The following MTA1 variants were observed in gnomAD, a reference collection of about 807,000 sequenced individuals.
MTA1 encodes the protein metastasis associated 1.
Under a neutral mutation model 97.0 loss-of-function variants are expected in MTA1, and 15 were observed. That is an observed-to-expected ratio of 0.15 (90% CI 0.10 to 0.24). MTA1 has a LOEUF of 0.24. MTA1 is among the 10% of genes least tolerant of loss of function. The pLI is 1.00. For synonymous variants in MTA1, 435 were observed against 417.5 expected (o/e 1.04, Z -0.51); for missense variants, 709 against 1,015.1 (o/e 0.70, Z 4.10).
At chr14:105,447,457 C>T (rs782007455) in intron 3 of MTA1, among the ~76,000 whole-genome samples, 26 of 152,210 alleles carry the variant, frequency 1.7e-4, no homozygotes, top group Non-Finnish European at 2.4e-4. Flanking sequence ...AGGTTCTGCT[C>T]TCAGACGCCC....
chr14:105,458,178 C>G (rs1173137597), intron 7 of MTA1, 92 bp from the exon 8 acceptor site: 1 of 1,069,504 alleles, frequency 9.4e-7, no homozygotes, highest in African/African-American at 1.6e-5. Flanking sequence ...TCCCCCTCCC[C>G]GTCCCAGCAG....
chr14:105,465,707 G>A (rs1555432596), intron 16 of MTA1: 3 of 152,636 alleles, frequency 2.0e-5, no homozygotes, highest in Non-Finnish European at 2.9e-5. Flanking sequence ...TTGCCTTTGA[G>A]CATCTGAGGA....
chr14:105,420,189 G>A lies in MTA1; in HGVS notation c.28+126G>A, dbSNP rs1325919411. On this transcript the variant is annotated intron_variant, in intron 1 of 20. Coordinates refer to ENST00000331320, the MANE Select transcript of MTA1 (RefSeq NM_004689.4). The surrounding 1 kb of genome is among the most constrained non-coding windows in gnomAD (Gnocchi z 5.3). ...CCCCCGCCCGCCCTCGCGGCCCCCG[G>A]CTCCTTCCCGAACCGCCCCCCGCCG... 3 of 431,298 alleles carry A rather than the reference G, an allele frequency of 7.0e-6. No homozygotes were observed. The highest frequency in any genetic ancestry group is 1.8e-4 in the South Asian group (2 of 11,108). The allele number at this position is 431,298 out of a possible 1,614,324, so 26.7% of individuals were successfully genotyped here.
chr14:105,463,536 T>A lies in MTA1; in HGVS notation c.1061T>A (p.Val354Asp), dbSNP rs2083442421. ...AAEAESKLKQ[V>D]YIPNYNKPNP... The stretch of plus-strand genomic sequence containing the variant: ...GAAGCTGAGAGCAAGTTAAAGCAAG[T>A]TTATATTCCCAACTAGTAAGTGTGC... The change falls in exon 12 of 21, where the codon GTT (valine) becomes GAT (aspartate). Residue 354 changes from valine (V) to aspartate (D), a missense_variant. Coordinates refer to ENST00000331320, the MANE Select transcript of MTA1 (RefSeq NM_004689.4). This position sits in a 1 kb window ranked among gnomAD's most constrained non-coding sequence, Gnocchi z 5.9. The A allele has an allele frequency of 6.2e-7, 1 of 1,612,814 alleles. No homozygotes were observed. The highest frequency in any genetic ancestry group is 8.5e-7 in the Non-Finnish European group (1 of 1,179,942).
chr14:105,441,999 G>T (rs587680323), intron 2 of MTA1, among the ~76,000 whole-genome samples: 36 of 152,220 alleles, frequency 2.4e-4, no homozygotes, highest in Middle Eastern at 3.4e-3. Flanking sequence ...TAAAGTTGAG[G>T]ATACCGCACA....
chr14:105,431,726 A>T (rs587764869), intron 1 of MTA1, among the ~76,000 whole-genome samples: 1 of 151,900 alleles, frequency 6.6e-6, no homozygotes, highest in South Asian at 2.1e-4. Context: ...CCCGGGCCCG[A>T]GTGATTCTCC....
At chr14:105,423,306 G>C (rs2081908991) in intron 1 of MTA1, among the ~76,000 whole-genome samples, 1 of 139,668 alleles carries the variant, frequency 7.2e-6, no homozygotes. Flanking sequence ...TGCAACCTCC[G>C]CCTCCCCGGC....
In MTA1 at chr14:105,450,363, C is replaced by G. The variant is rs148733542; in HGVS notation, c.432+39C>G. 4 of 1,579,296 alleles carry G rather than the reference C, an allele frequency of 2.5e-6. No individual in the cohort carries two copies. The East Asian group carries it at 9.0e-5, about 36-fold the overall frequency. On this transcript the variant is annotated intron_variant, in intron 6 of 20. Coordinates refer to ENST00000331320, the MANE Select transcript of MTA1 (RefSeq NM_004689.4). Reference sequence around the variant, plus strand: ...CGGCCTGGTCTGCCGCAGCCAGTCCCGGGCCACTGTTTCCTCTACCTATGA... The same window carrying G: ...CGGCCTGGTCTGCCGCAGCCAGTCCGGGGCCACTGTTTCCTCTACCTATGA...
intron 1 of MTA1, among the ~76,000 whole-genome samples, chr14:105,433,179 G>A (rs1444887926): frequency 1.3e-5 from 2 of 152,186 alleles, no homozygotes; most frequent in East Asian, 3.8e-4. Context: ...GTGGGCTTCC[G>A]GCGTCTCTCC....
intron 7 of MTA1, among the ~76,000 whole-genome samples, chr14:105,457,560 G>A (rs1208545462): frequency 6.6e-6 from 1 of 152,272 alleles, no homozygotes; most frequent in Non-Finnish European, 1.5e-5. Context: ...GAAGGTCCCT[G>A]GAGGTGGTCT....
rs140916734 is a variant in MTA1 at position 105,469,670 on chromosome 14, C to T, written c.1846-171C>T. Reference sequence around the variant, plus strand: ...GCCATGGCCCCTGTGCCAGGCCCAGCGGTGTGCGGCCGACCAGCCCTCAGG... The same window carrying T: ...GCCATGGCCCCTGTGCCAGGCCCAGTGGTGTGCGGCCGACCAGCCCTCAGG... On this transcript the variant is annotated intron_variant, in intron 19 of 20. Coordinates refer to ENST00000331320, the MANE Select transcript of MTA1 (RefSeq NM_004689.4). The T allele has an allele frequency of 9.7e-4, 1,165 of 1,198,972 alleles. 8 individuals carry two copies. In the African/African-American group the frequency reaches 0.015, roughly 16 times the overall value. The allele number at this position is 1,198,972 out of a possible 1,614,324, so 74.3% of individuals were successfully genotyped here.
In MTA1 at chr14:105,465,202, T is replaced by C. The variant is rs1555432428; in HGVS notation, c.1624+19T>C. On this transcript the variant is annotated intron_variant, in intron 16 of 20. Transcript: ENST00000331320. ...TATCTTGGTGAGCAGCCAGGCGTGC[T>C]GGGGGGCTCCCAATGCTGCCTGCAG... is the stretch of plus-strand genomic sequence containing the variant. 6.7e-7 allele frequency: 1 copy of C among 1,500,300 alleles called. No individual in the cohort carries two copies. 92.9% of individuals were successfully genotyped at this position (1,500,300 alleles called of 1,614,324 possible).
chr14:105,449,565 G>A (rs1232602029), intron 4 of MTA1, among the ~76,000 whole-genome samples, 156 bp downstream of exon 4: 5 of 152,204 alleles, frequency 3.3e-5, no homozygotes, highest in Non-Finnish European at 5.9e-5. Context: ...CCTTGTGTCC[G>A]GCCCACGGCC....
chr14:105,443,525 C>T (rs587607547), intron 2 of MTA1, among the ~76,000 whole-genome samples: 2 of 152,316 alleles, frequency 1.3e-5, no homozygotes, highest in African/African-American at 4.8e-5. Flanking sequence ...GCGCACACCA[C>T]TGCATCTGGT....
chr14:105,423,902 C>T (rs1037050479), intron 1 of MTA1, among the ~76,000 whole-genome samples: 5 of 152,218 alleles, frequency 3.3e-5, no homozygotes, highest in Admixed American at 1.3e-4. Context: ...CTGAGTGCAC[C>T]GTGTCCCTAG....
intron 6 of MTA1, 60 bp from the exon 7 acceptor site, chr14:105,454,133 C>A: frequency 7.3e-7 from 1 of 1,367,102 alleles, no homozygotes; most frequent in Non-Finnish European, 1.0e-6. Flanking sequence ...TGACGCCTCT[C>A]TGACCCTCCC....
intron 16 of MTA1, chr14:105,466,172 G>T: frequency 1.8e-6 from 1 of 554,960 alleles, no homozygotes; most frequent in Non-Finnish European, 3.2e-6. Context: ...GCCCCCGCCA[G>T]GTGGTCTCCC....
intron 18 of MTA1, chr14:105,468,111 G>A (rs1443289631): frequency 1.4e-5 from 5 of 363,592 alleles, no homozygotes; most frequent in Non-Finnish European, 2.7e-5. Context: ...GGCTCCCGGG[G>A]GCACTGGCGC....
chr14:105,454,295 G>C lies in MTA1; in HGVS notation c.535G>C (p.Asp179His). 1 of 1,612,982 alleles carries C rather than the reference G, an allele frequency of 6.2e-7. No individual in the cohort carries two copies. Among genetic ancestry groups the C allele is most frequent in the Non-Finnish European group, 8.5e-7 (1 of 1,179,250 alleles). The change falls in exon 7 of 21, where the codon GAC (aspartate) becomes CAC (histidine). Residue 179 changes from aspartate to histidine, a missense_variant. By Grantham distance (81) the Asp-to-His change is moderately conservative (BLOSUM62 -1). This residue lies in a region of MTA1 where 321 missense variants were observed against 593.5 expected (regional missense o/e 0.54). Coordinates refer to ENST00000331320, the MANE Select transcript of MTA1 (RefSeq NM_004689.4). ...VGNRYQADIT[D>H]LLKEGEEDGR... The stretch of plus-strand genomic sequence containing the variant: ...AAACCGGTACCAGGCAGACATCACC[G>C]ACTTGTTAAAAGAAGGTAGGGTGGG...
Sources: allele counts gnomAD v4.1 joint callset (sites outside exome capture counted in the v4.1 genomes callset), GRCh38; gene constraint gnomAD v4.1.1; regional missense constraint gnomAD v4.1.1; non-coding constraint Gnocchi (gnomAD v3.1); transcripts MANE v1.5; gene names NCBI Gene and HGNC (gene_info 2026-07-23, HGNC 2026-07-21).